The following CDK12 variants were observed in gnomAD, a reference collection of about 807,000 sequenced individuals.
The protein encoded by CDK12 is cyclin-dependent kinase 12.
In CDK12, 17 loss-of-function variants were observed where a neutral mutation model predicts 133.8. The observed-to-expected ratio is 0.13, with a 90% CI of 0.09 to 0.19. The LOEUF is 0.19. Ranked by LOEUF, CDK12 falls within the 10% of genes least tolerant of loss-of-function variation. CDK12 has a pLI of 1.00. For missense variants in CDK12, 1,508 were observed against 1,818.7 expected, an observed-to-expected ratio of 0.83 and a Z score of 3.11; for synonymous variants, 694 against 683.6, an observed-to-expected ratio of 1.02 and a Z score of -0.24.
At position 39,530,719 on chromosome 17, in the gene CDK12, G is replaced by A; in HGVS notation, c.3876G>A (p.Glu1292=). Residue 1292 remains glutamate, a synonymous_variant, in exon 14 of 14, where the codon GAG becomes GAA. Transcript: ENST00000447079. ...VEGDLSSAPQ[E]LNPAVTAALL... ...GCGATCTTTCCAGCGCCCCCCAGGA[G>A]TTGAACCCAGCCGTGACAGCCGCCT... is the stretch of plus-strand genomic sequence containing the variant. The A allele has an allele frequency of 1.2e-6, 2 of 1,613,816 alleles. No individual in the cohort carries two copies. Among genetic ancestry groups the A allele is most frequent in the Non-Finnish European group, 1.7e-6 (2 of 1,179,994 alleles).
intron 6 of CDK12, among the ~76,000 whole-genome samples, chr17:39,507,600 C>T (rs901708694): frequency 2.6e-5 from 4 of 151,812 alleles, no homozygotes; most frequent in Admixed American, 6.6e-5. Flanking sequence ...AGACTAAATT[C>T]GTTTAATAAA....
intron 3 of CDK12, 109 bp downstream of exon 3, chr17:39,490,842 G>A: frequency 1.3e-6 from 1 of 751,244 alleles, no homozygotes; most frequent in Non-Finnish European, 2.0e-6. Flanking sequence ...TAGAAGTTTG[G>A]TCCCAAAGTA....
intron 3 of CDK12, among the ~76,000 whole-genome samples, chr17:39,492,128 G>A (rs1383048697): frequency 3.7e-5 from 5 of 136,886 alleles, no homozygotes; most frequent in Non-Finnish European, 6.1e-5. Context: ...TCGGAGTCTC[G>A]CTCTGCTGCC....
intron 1 of CDK12, among the ~76,000 whole-genome samples, chr17:39,466,615 GAAAAAAAAAAAAAAAAAAAAAAAA>G (rs71147339): frequency 3.2e-4 from 10 of 31,482 alleles, no homozygotes; most frequent in South Asian, 2.0e-3. Flanking sequence ...AACTCTATCT[GAAAAAAAAAAAAAAAAAAAAAAAA>G]AAAAAAAAAA....
upstream of CDK12, chr17:39,544,476 T>C: frequency 3.3e-6 from 1 of 302,126 alleles, no homozygotes; most frequent in South Asian, 3.2e-5. Flanking sequence ...TTTTTTTTTC[T>C]TTTTTAATTT....
At chr17:39,502,574 A>G (rs985557639) in intron 6 of CDK12, among the ~76,000 whole-genome samples, 3 of 152,244 alleles carry the variant, frequency 2.0e-5, no homozygotes, top group African/African-American at 7.2e-5. Flanking sequence ...TCCTGGTTTT[A>G]GCAGTAAAAG....
At chr17:39,534,601 C>G (rs942508930), downstream of CDK12, 8 of 224,030 alleles carry the variant, frequency 3.6e-5, no homozygotes, top group Non-Finnish European at 5.3e-5. Flanking sequence ...CATATCTAAT[C>G]ATGTATAAAG....
chr17:39,512,438 A>G (rs1356536292), intron 8 of CDK12, among the ~76,000 whole-genome samples: 1 of 152,196 alleles, frequency 6.6e-6, no homozygotes, highest in Non-Finnish European at 1.5e-5. Context: ...CTCTGCCCAG[A>G]GAGTACAAGC....
intron 6 of CDK12, 125 bp from the exon 7 acceptor site, chr17:39,509,580 A>G (rs1322542619): frequency 1.5e-6 from 1 of 679,588 alleles, no homozygotes; most frequent in Non-Finnish European, 2.6e-6. Context: ...AGAGTAGAAC[A>G]AAGAGAGCAG....
intron 13 of CDK12, chr17:39,529,815 A>T (rs149810032): frequency 6.6e-6 from 1 of 152,232 alleles, no homozygotes; most frequent in Non-Finnish European, 1.5e-5. Flanking sequence ...TCTCCAAGAT[A>T]AACAGATGTT....
chr17:39,517,803 A>G (rs891357893), intron 10 of CDK12, among the ~76,000 whole-genome samples: 1 of 152,098 alleles, frequency 6.6e-6, no homozygotes, highest in Non-Finnish European at 1.5e-5. Context: ...AGCCTTCTTG[A>G]TCTTTCCATG....
chr17:39,486,863 C>G (rs2051172248), intron 2 of CDK12, among the ~76,000 whole-genome samples: 2 of 151,918 alleles, frequency 1.3e-5, no homozygotes, highest in Non-Finnish European at 1.5e-5. Context: ...AAAAAACTAG[C>G]CGGGCGTAGT....
chr17:39,481,649 T>TCTCTCTCTCTCTCC lies in CDK12; in HGVS notation c.1932-8895_1932-8894insCCTCTCTCTCTCTC, dbSNP rs2050684318. Among the ~76,000 whole-genome samples the TCTCTCTCTCTCTCC allele has an allele frequency of 2.3e-4, 4 of 17,342 alleles. 1 individual carries two copies. Among genetic ancestry groups the TCTCTCTCTCTCTCC allele is most frequent in the African/African-American group, 6.8e-4 (4 of 5,840 alleles). 11.4% of individuals were successfully genotyped at this position (17,342 alleles called of 152,430 possible). ...CGCTCGCGCGCTCTCTCTCTCTCTC[T>TCTCTCTCTCTCTCC]CTCTCTCTCTCTCTCTCTCTCTCTC... On this transcript the variant is annotated intron_variant, in intron 2 of 13. Coordinates refer to ENST00000447079, the MANE Select transcript of CDK12 (RefSeq NM_016507.4).
chr17:39,471,428 T>A lies in CDK12; in HGVS notation c.1596T>A (p.Ile532=). The change falls in exon 2 of 14, where the codon ATT becomes ATA. Residue 532 remains isoleucine, a synonymous_variant. Coordinates refer to ENST00000447079, the MANE Select transcript of CDK12 (RefSeq NM_016507.4). ...AGACCCCTCCACCTCTTCCCACAAT[T>A]GCTTCTCCCCCACCCCCTCTACCAA... is the stretch of plus-strand genomic sequence containing the variant. ...EKETPPPLPT[I]ASPPPPLPTT... is the part of the protein sequence containing the mutation. The A allele has an allele frequency of 1.2e-6, 2 of 1,613,624 alleles. No individual in the cohort carries two copies. Among genetic ancestry groups the A allele is most frequent in the South Asian group, 2.2e-5 (2 of 91,046 alleles).
intron 10 of CDK12, among the ~76,000 whole-genome samples, chr17:39,519,394 C>T (rs2054022917): frequency 2.0e-5 from 3 of 149,244 alleles, no homozygotes; most frequent in East Asian, 2.0e-4. Context: ...CTGCAACCTC[C>T]GCCTCCTGGG....
chr17:39,501,723 A>T, intron 6 of CDK12, among the ~76,000 whole-genome samples: 1 of 152,180 alleles, frequency 6.6e-6, no homozygotes. Flanking sequence ...AACAAACAGG[A>T]ATCTGGTTAT....
At chr17:39,508,891 A>G (rs1467566403) in intron 6 of CDK12, among the ~76,000 whole-genome samples, 3 of 151,346 alleles carry the variant, frequency 2.0e-5, no homozygotes, top group Admixed American at 6.6e-5. Flanking sequence ...GCTACTTGGG[A>G]GGCTGAGGCT....
chr17:39,529,546 A>G (rs1206522342), intron 13 of CDK12, among the ~76,000 whole-genome samples: 2 of 152,006 alleles, frequency 1.3e-5, no homozygotes, highest in Non-Finnish European at 1.5e-5. Flanking sequence ...ATGACTCTCA[A>G]TTTTCTAAAG....
intron 1 of CDK12, 116 bp from the exon 2 acceptor site, chr17:39,470,763 C>T (rs1176691707): frequency 2.2e-5 from 20 of 896,048 alleles, no homozygotes; most frequent in Non-Finnish European, 3.1e-5. Flanking sequence ...TTTGATGGCA[C>T]TTAATCTATT....
Sources: gnomAD v4.1 joint callset for allele counts (sites outside exome capture counted in the v4.1 genomes callset) on GRCh38, gnomAD v4.1.1 for gene constraint, MANE v1.5 for transcripts, NCBI Gene and HGNC (gene_info 2026-07-23, HGNC 2026-07-21) for gene names.